The following TTC12 variants were observed in gnomAD, a reference collection of about 807,000 sequenced individuals.
The protein encoded by TTC12 is tetratricopeptide repeat protein 12.
TTC12 carries 70 observed loss-of-function variants against 90.1 expected under a neutral mutation model. The observed-to-expected ratio is 0.78, with a 90% CI of 0.64 to 0.95. The LOEUF (loss-of-function observed/expected upper bound fraction) is 0.95. Among genes scored for constraint, TTC12 ranks in the 40% least tolerant of loss-of-function variants. The pLI, the probability that TTC12 is intolerant of heterozygous loss-of-function variation, is 0.00. For synonymous variants in TTC12, 296 were observed against 311.5 expected, an observed-to-expected ratio of 0.95 and a Z score of 0.53; for missense variants, 819 against 846.1, an observed-to-expected ratio of 0.97 and a Z score of 0.40.
chr11:113,325,735 C>A, intron 6 of TTC12, 90 bp downstream of exon 6: 6 of 1,533,114 alleles, frequency 3.9e-6, no homozygotes, highest in Non-Finnish European at 5.3e-6. Context: ...AGATGTTGGG[C>A]TGGGAAATGT....
At chr11:113,350,795 C>G (rs1470531722) in intron 14 of TTC12, among the ~76,000 whole-genome samples, 1 of 152,240 alleles carries the variant, frequency 6.6e-6, no homozygotes, top group Non-Finnish European at 1.5e-5. Context: ...GGCAGGCCAG[C>G]CAGCTGGCAC....
At chr11:113,321,135 A>C (rs566357754) in intron 2 of TTC12, among the ~76,000 whole-genome samples, 2 of 152,258 alleles carry the variant, frequency 1.3e-5, no homozygotes, top group Non-Finnish European at 2.9e-5. Flanking sequence ...GGTGCAAATC[A>C]ATAAGAAGAT....
chr11:113,323,906 T>G, intron 3 of TTC12, 88 bp from the exon 4 acceptor site: 1 of 1,025,758 alleles, frequency 9.7e-7, no homozygotes, highest in South Asian at 1.5e-5. Context: ...TTGTTTGTAA[T>G]TGATTTGCCT....
At chr11:113,338,926 C>A in intron 9 of TTC12, 92 bp downstream of exon 9, 1 of 1,152,866 alleles carries the variant, frequency 8.7e-7, no homozygotes, top group Non-Finnish European at 1.3e-6. Context: ...CTGCCCTTGG[C>A]CACTAGGCAG....
chr11:113,338,994 C>T (rs1555145019), intron 9 of TTC12, among the ~76,000 whole-genome samples, 160 bp downstream of exon 9: 1 of 152,118 alleles, frequency 6.6e-6, no homozygotes, highest in Non-Finnish European at 1.5e-5. Context: ...CCACTCTGCT[C>T]CTCTGTTTGC....
chr11:113,321,570 G>T (rs1893698), intron 2 of TTC12, among the ~76,000 whole-genome samples: 2,941 of 152,264 alleles, frequency 0.019, 70 homozygotes, highest in African/African-American at 0.05. Context: ...TTAAAAAATT[G>T]TTTAAATATT....
At chr11:113,316,189 G>T in intron 1 of TTC12, 54 bp from the exon 2 acceptor site, 1 of 870,022 alleles carries the variant, frequency 1.1e-6, no homozygotes, top group Non-Finnish European at 1.6e-6. Context: ...AAGCCTGACC[G>T]TTCTGTTTAG....
At chr11:113,360,414 A>G (rs1949860636) in intron 18 of TTC12, among the ~76,000 whole-genome samples, 1 of 152,182 alleles carries the variant, frequency 6.6e-6, no homozygotes. Context: ...CATAAGAAAA[A>G]AAAAAAGCCA....
intron 19 of TTC12, among the ~76,000 whole-genome samples, chr11:113,363,556 T>A (rs1950049933): frequency 1.3e-5 from 2 of 152,218 alleles, no homozygotes; most frequent in African/African-American, 4.8e-5. Context: ...CTCAGCCACT[T>A]GCTCATAAAG....
intron 12 of TTC12, among the ~76,000 whole-genome samples, chr11:113,342,876 G>A (rs1555146640): frequency 6.6e-6 from 1 of 152,184 alleles, no homozygotes; most frequent in Non-Finnish European, 1.5e-5. Flanking sequence ...CCCTACAGGA[G>A]GGCGAGGAAG....
In TTC12 at chr11:113,364,886, G is replaced by A. The variant is rs1466372841; in HGVS notation, c.1868G>A (p.Gly623Asp). 2 of 1,614,082 alleles carry A rather than the reference G, an allele frequency of 1.2e-6. No homozygotes were observed. The highest frequency in any genetic ancestry group is 1.7e-6 in the Non-Finnish European group (2 of 1,180,042). ...LLSSEDEVLVGNAALCLGNCM... is the reference protein window; with the variant it reads ...LLSSEDEVLVDNAALCLGNCM... The stretch of plus-strand genomic sequence containing the variant: ...AGCTCGGAGGATGAGGTTCTGGTGG[G>A]CAACGCTGCCCTCTGCCTTGGTAAC... The change falls in exon 21 of 22, where the codon GGC becomes GAC. Residue 623 changes from glycine (G) to aspartate (D), a missense_variant. Coordinates refer to ENST00000529221, the MANE Select transcript of TTC12 (RefSeq NM_017868.4).
chr11:113,326,521 T>A (rs635358), intron 6 of TTC12, among the ~76,000 whole-genome samples: 115,691 of 151,982 alleles, frequency 0.76, 44,331 homozygotes, highest in Middle Eastern at 0.85. Flanking sequence ...CTAACTCGAG[T>A]TTAAGAATGT....
In TTC12 at chr11:113,344,301, C is replaced by G; in HGVS notation, c.1015C>G (p.His339Asp). ...AAACCAGCGTGTGCTAGTGATACAC[C>G]ATGACAGGGCCAGGCTGTTGGCCGC... Reference protein sequence around the residue: ...EENQRVLVIHHDRARLLAALL... With the variant: ...EENQRVLVIHDDRARLLAALL... Residue 339 changes from histidine (H) to aspartate (D), a missense_variant, in exon 13 of 22, where the codon CAT (histidine) becomes GAT (aspartate). Physicochemically the swap from His to Asp is moderately conservative, Grantham distance 81 (BLOSUM62 -1). Coordinates refer to ENST00000529221, the MANE Select transcript of TTC12 (RefSeq NM_017868.4). The G allele has an allele frequency of 6.2e-7, 1 of 1,614,000 alleles. No individual in the cohort carries two copies. Among genetic ancestry groups the G allele is most frequent in the East Asian group, 2.2e-5 (1 of 44,888 alleles).
chr11:113,359,791 G>A lies in TTC12; in HGVS notation c.1546-149G>A. On this transcript the variant is annotated intron_variant, in intron 17 of 21. Coordinates refer to ENST00000529221, the MANE Select transcript of TTC12 (RefSeq NM_017868.4). ...AGTTAGGGGAGACAGACATGGGGAGGAATAAAAGCAGTAAAAGATGGTGTT... is the reference window on the plus strand; with the variant it reads ...AGTTAGGGGAGACAGACATGGGGAGAAATAAAAGCAGTAAAAGATGGTGTT... 3 of 647,778 alleles carry A rather than the reference G, an allele frequency of 4.6e-6. No individual in the cohort carries two copies. In the East Asian group the frequency reaches 8.2e-5, roughly 18 times the overall value. 40.1% of individuals were successfully genotyped at this position (647,778 alleles called of 1,614,324 possible).
At chr11:113,325,785 G>A in intron 6 of TTC12, 140 bp downstream of exon 6, 1 of 1,082,346 alleles carries the variant, frequency 9.2e-7, no homozygotes, top group Non-Finnish European at 1.3e-6. Flanking sequence ...GGGAGGAGCT[G>A]ACTTATACAC....
At chr11:113,336,583 TC>T (rs1555144106) in intron 8 of TTC12, among the ~76,000 whole-genome samples, 3 of 152,192 alleles carry the variant, frequency 2.0e-5, no homozygotes, top group Admixed American at 2.0e-4. Context: ...GGGTTCAACT[TC>T]ATTCTTTTGC....
chr11:113,340,469 T>C (rs782763076), intron 10 of TTC12, among the ~76,000 whole-genome samples, 195 bp from the exon 11 acceptor site: 18 of 152,254 alleles, frequency 1.2e-4, no homozygotes, highest in Non-Finnish European at 1.3e-4. Flanking sequence ...TGAGAGGCAC[T>C]GAGGCCTCTG....
intron 1 of TTC12, chr11:113,315,220 AG>A (rs1400657048): frequency 6.8e-6 from 1 of 147,460 alleles, no homozygotes; most frequent in East Asian, 1.9e-4. Context: ...CTTCACGGTG[AG>A]GACTCGTCGC....
intron 13 of TTC12, among the ~76,000 whole-genome samples, chr11:113,345,317 G>C (rs17115382): frequency 0.026 from 3,883 of 152,212 alleles, 165 homozygotes; most frequent in African/African-American, 0.089. Context: ...TCATCCTGCG[G>C]GGTAGGCAAG....
Sources: gnomAD v4.1 joint callset for allele counts (sites outside exome capture counted in the v4.1 genomes callset) on GRCh38, gnomAD v4.1.1 for gene constraint, MANE v1.5 for transcripts, NCBI Gene and HGNC (gene_info 2026-07-23, HGNC 2026-07-21) for gene names.